Variants in MYO3A observed in about 807,000 individuals in gnomAD.
MYO3A encodes the protein myosin IIIA.
In MYO3A, 180 loss-of-function variants were observed where a neutral mutation model predicts 192.7. The ratio of observed to expected loss-of-function variants is 0.93; its 90% CI spans 0.83 to 1.06. The LOEUF is 1.06. Ranked by LOEUF, MYO3A falls within the 50% of genes least tolerant of loss-of-function variation. MYO3A has a pLI of 0.00. For missense variants in MYO3A, 1,896 were observed against 1,905.0 expected (o/e 1.00, Z 0.09); for synonymous variants, 628 against 645.3 (o/e 0.97, Z 0.41).
intron 17 of MYO3A, among the ~76,000 whole-genome samples, chr10:26,110,869 C>CT (rs398054216): frequency 0.079 from 10,323 of 130,388 alleles, 481 homozygotes; most frequent in African/African-American, 0.13. Flanking sequence ...GTTTTCTTTT[C>CT]TTTTTTTTTT....
chr10:26,163,663 AGTGATGAAT>A (rs1184268962), intron 26 of MYO3A, among the ~76,000 whole-genome samples: 1 of 152,202 alleles, frequency 6.6e-6, no homozygotes, highest in Non-Finnish European at 1.5e-5. Flanking sequence ...GGAAGGAAAA[AGTGATGAAT>A]GTCGCTGAGT....
chr10:25,976,017 T>C (rs548982240), intron 4 of MYO3A, among the ~76,000 whole-genome samples: 1 of 152,320 alleles, frequency 6.6e-6, no homozygotes, highest in African/African-American at 2.4e-5. Context: ...CTTTAGTCTT[T>C]GGGGAAATTT....
chr10:26,072,400 C>T (rs1389986497), intron 14 of MYO3A, among the ~76,000 whole-genome samples: 1 of 152,140 alleles, frequency 6.6e-6, no homozygotes, highest in Non-Finnish European at 1.5e-5. Context: ...TAATCGGGTG[C>T]TGCACCCAGG....
chr10:25,993,453 C>G (rs1840190027), intron 4 of MYO3A, among the ~76,000 whole-genome samples: 1 of 151,754 alleles, frequency 6.6e-6, no homozygotes, highest in Admixed American at 6.6e-5. Context: ...TTGATTTTTT[C>G]AAAAAACCAG....
chr10:25,957,988 C>G (rs1189650526), intron 4 of MYO3A, among the ~76,000 whole-genome samples: 3 of 152,066 alleles, frequency 2.0e-5, no homozygotes, highest in East Asian at 1.9e-4. Flanking sequence ...GGATATTAGA[C>G]CTTTGTCAGA....
chr10:26,170,469 AAC>A lies in MYO3A; in HGVS notation c.3332_3333del (p.Thr1111SerfsTer9), dbSNP rs766088571. On this transcript the variant is annotated frameshift_variant, in exon 29 of 35. Transcript: ENST00000642920. LOFTEE classifies it high-confidence loss of function. The part of the protein sequence containing the change: ...KQRKEIVDMK[N>X]TAVTTIQTSD... ...AAGAAAAGAAATTGTTGACATGAAA[AAC>A]ACAGCAGTAACAACCATTCAAACTT... 3 of 1,613,656 alleles carry A rather than the reference AAC, an allele frequency of 1.9e-6. No individual in the cohort carries two copies. Among genetic ancestry groups the A allele is most frequent in the Admixed American group, 1.7e-5 (1 of 60,010 alleles).
chr10:26,057,315 T>C (rs895214982), intron 10 of MYO3A, among the ~76,000 whole-genome samples: 2 of 152,158 alleles, frequency 1.3e-5, no homozygotes, highest in African/African-American at 4.8e-5. Flanking sequence ...AGGAAGCTTC[T>C]GATAGGATGA....
intron 17 of MYO3A, among the ~76,000 whole-genome samples, chr10:26,111,256 C>G (rs966917543): frequency 6.6e-6 from 1 of 152,104 alleles, no homozygotes; most frequent in Non-Finnish European, 1.5e-5. Context: ...TGAGTTTCAG[C>G]CATATTCCAG....
chr10:26,140,894 C>A (rs566543030), intron 20 of MYO3A, among the ~76,000 whole-genome samples: 1 of 152,118 alleles, frequency 6.6e-6, no homozygotes, highest in Admixed American at 6.5e-5. Context: ...CTCTGCTCAC[C>A]TTATGCTTTA....
chr10:26,173,601 C>A, intron 29 of MYO3A, 62 bp from the exon 30 acceptor site: 2 of 1,460,856 alleles, frequency 1.4e-6, no homozygotes, highest in African/African-American at 1.4e-5. Context: ...ATAACTATTG[C>A]CAATAGAAGT....
intron 29 of MYO3A, among the ~76,000 whole-genome samples, chr10:26,171,246 G>C (rs115302243): frequency 1.3e-5 from 2 of 152,254 alleles, no homozygotes; most frequent in African/African-American, 4.8e-5. Flanking sequence ...TTATCAAACT[G>C]AGTACATGGT....
At position 26,067,010 on chromosome 10, in the gene MYO3A, A is replaced by G. The variant is rs777804932; in HGVS notation, c.989A>G (p.Asn330Ser). ...ATTCACACGAAGAAAGGGAACTTCAACCGACCTCTAATATCCAATCTGAAG... is the reference window on the plus strand; with the variant it reads ...ATTCACACGAAGAAAGGGAACTTCAGCCGACCTCTAATATCCAATCTGAAG... ...ERIHTKKGNF[N>S]RPLISNLKDV... Residue 330 changes from asparagine to serine, a missense_variant, in exon 11 of 35, where the codon AAC becomes AGC. Asn to Ser is a conservative substitution (Grantham distance 46, BLOSUM62 1). Transcript: ENST00000642920. The G allele has an allele frequency of 5.0e-6, 8 of 1,612,980 alleles. No individual in the cohort carries two copies. Among genetic ancestry groups the G allele is most frequent in the South Asian group, 1.1e-5 (1 of 91,074 alleles).
At chr10:26,207,021 T>A (rs1165782039) in intron 34 of MYO3A, among the ~76,000 whole-genome samples, 1 of 152,172 alleles carries the variant, frequency 6.6e-6, no homozygotes, top group Non-Finnish European at 1.5e-5. Flanking sequence ...TATTTGGGTC[T>A]TTTGCCCATT....
chr10:26,185,629 C>T (rs932506140), intron 31 of MYO3A, among the ~76,000 whole-genome samples: 5 of 151,950 alleles, frequency 3.3e-5, no homozygotes, highest in African/African-American at 7.3e-5. Flanking sequence ...TGTGAGCCAC[C>T]GCACACAGCC....
At chr10:26,174,665 G>A in intron 30 of MYO3A, 108 bp downstream of exon 30, 2 of 926,398 alleles carry the variant, frequency 2.2e-6, no homozygotes. Context: ...CTGCGTTGAT[G>A]GGCCCGCAAA....
intron 15 of MYO3A, among the ~76,000 whole-genome samples, chr10:26,091,931 G>A (rs752923156): frequency 3.6e-4 from 55 of 152,182 alleles, no homozygotes; most frequent in Non-Finnish European, 6.3e-4. Flanking sequence ...AGCCAAGTAA[G>A]GCAGGATTCC....
chr10:26,132,304 CAA>C (rs1198905011), intron 20 of MYO3A, among the ~76,000 whole-genome samples: 1 of 152,186 alleles, frequency 6.6e-6, no homozygotes, highest in East Asian at 1.9e-4. Context: ...CATACCTTGT[CAA>C]AAGTGTTCTC....
At chr10:26,033,593 G>A (rs114409573) in intron 10 of MYO3A, among the ~76,000 whole-genome samples, 9,269 of 152,250 alleles carry the variant, frequency 0.061, 368 homozygotes, top group Non-Finnish European at 0.088. Flanking sequence ...AACATTTGTT[G>A]AGGCCATTGT....
chr10:26,074,535 C>G (rs1564522707), intron 14 of MYO3A, among the ~76,000 whole-genome samples: 1 of 147,386 alleles, frequency 6.8e-6, no homozygotes, highest in East Asian at 2.0e-4. Flanking sequence ...CAGTGTCACA[C>G]TTTTTATTGC....
Sources: gnomAD v4.1 joint callset for allele counts (sites outside exome capture counted in the v4.1 genomes callset) on GRCh38, gnomAD v4.1.1 for gene constraint, MANE v1.5 for transcripts, NCBI Gene and HGNC (gene_info 2026-07-23, HGNC 2026-07-21) for gene names.